CADPS: variants seen among roughly 807,000 people sequenced by gnomAD.
The protein encoded by CADPS is calcium dependent secretion activator.
CADPS carries 57 observed loss-of-function variants against 167.3 expected under a neutral mutation model. That is an observed-to-expected ratio of 0.34 (90% CI 0.28 to 0.42). The LOEUF (loss-of-function observed/expected upper bound fraction) is 0.42. Among genes scored for constraint, CADPS ranks in the 20% least tolerant of loss-of-function variants. The pLI is 1.00. For missense variants in CADPS, 1,414 were observed against 1,738.1 expected (o/e 0.81, Z 3.32); for synonymous variants, 676 against 635.3 (o/e 1.06, Z -0.96).
chr3:62,565,639 T>C (rs1207542679), intron 9 of CADPS, among the ~76,000 whole-genome samples: 2 of 152,312 alleles, frequency 1.3e-5, no homozygotes, highest in African/African-American at 4.8e-5. Context: ...ACAGGAATGC[T>C]TGAATCTCTG....
chr3:62,664,054 C>T (rs370693094), intron 3 of CADPS, among the ~76,000 whole-genome samples: 1 of 152,082 alleles, frequency 6.6e-6, no homozygotes, highest in East Asian at 1.9e-4. Context: ...CTTGCCCAGG[C>T]CGGAGTGCAG....
At chr3:62,759,487 TA>T (rs1283509537) in intron 2 of CADPS, among the ~76,000 whole-genome samples, 2 of 152,088 alleles carry the variant, frequency 1.3e-5, no homozygotes, top group Non-Finnish European at 2.9e-5. Context: ...GATTGGAGGA[TA>T]GGAACATGGC....
chr3:62,596,895 A>G (rs1488446051), intron 6 of CADPS, among the ~76,000 whole-genome samples: 1 of 152,194 alleles, frequency 6.6e-6, no homozygotes, highest in Non-Finnish European at 1.5e-5. Flanking sequence ...GATCTTGCCT[A>G]TTTTATTCCA....
chr3:62,827,378 C>A (rs1158700108), intron 1 of CADPS, among the ~76,000 whole-genome samples: 1 of 152,164 alleles, frequency 6.6e-6, no homozygotes, highest in Non-Finnish European at 1.5e-5. Context: ...ATTGAGAACA[C>A]TCACTATGCC....
intron 12 of CADPS, among the ~76,000 whole-genome samples, chr3:62,535,723 C>A (rs1177473915): frequency 1.3e-5 from 2 of 151,656 alleles, no homozygotes; most frequent in African/African-American, 4.8e-5. Flanking sequence ...TTTTTTTAGG[C>A]GTTTGAATTT....
At chr3:62,658,840 G>C (rs968208850) in intron 4 of CADPS, among the ~76,000 whole-genome samples, 8 of 152,170 alleles carry the variant, frequency 5.3e-5, no homozygotes, top group Admixed American at 5.2e-4. Context: ...AGTTGGGCCA[G>C]TGAGAGTTCT....
chr3:62,416,691 C>T (rs1277067068), intron 28 of CADPS, among the ~76,000 whole-genome samples: 3 of 152,042 alleles, frequency 2.0e-5, no homozygotes, highest in Non-Finnish European at 2.9e-5. Flanking sequence ...GTTATGTTTC[C>T]CACTCAGGTC....
In CADPS at chr3:62,601,963, T is replaced by C. The variant is rs1050129077; in HGVS notation, c.1326-9215A>G. Reference sequence around the variant, plus strand: ...TTGGGGAGCATCTGCTTGATCACAGTCGCATCTCTGTTTACTATTTAAAGC... The same window carrying C: ...TTGGGGAGCATCTGCTTGATCACAGCCGCATCTCTGTTTACTATTTAAAGC... On this transcript the variant is annotated intron_variant, in intron 6 of 29. Coordinates refer to ENST00000383710, the MANE Select transcript of CADPS (RefSeq NM_003716.4). The surrounding 1 kb of genome is among the most constrained non-coding windows in gnomAD (Gnocchi z 4.3). Among the ~76,000 whole-genome samples, 6 of 152,258 alleles carry C rather than the reference T, an allele frequency of 3.9e-5. No homozygotes were observed. Among genetic ancestry groups the C allele is most frequent in the Admixed American group, 1.3e-4 (2 of 15,294 alleles).
chr3:62,614,674 A>G (rs2061990303), intron 6 of CADPS, among the ~76,000 whole-genome samples: 1 of 151,476 alleles, frequency 6.6e-6, no homozygotes, highest in South Asian at 2.1e-4. Flanking sequence ...CTGTGTAGAT[A>G]TGTGCATGAT....
intron 9 of CADPS, among the ~76,000 whole-genome samples, chr3:62,559,205 G>A (rs2078716265): frequency 6.6e-6 from 1 of 152,084 alleles, no homozygotes; most frequent in East Asian, 1.9e-4. Context: ...TTTACCTACT[G>A]GATTATAAAT....
intron 4 of CADPS, among the ~76,000 whole-genome samples, chr3:62,655,718 G>A (rs1322533645): frequency 1.3e-5 from 2 of 152,102 alleles, no homozygotes; most frequent in Admixed American, 6.5e-5. Flanking sequence ...AAGTTGGTGG[G>A]TGATCAGAAG....
chr3:62,516,727 C>G, intron 14 of CADPS, 84 bp from the exon 15 acceptor site: 1 of 933,078 alleles, frequency 1.1e-6, no homozygotes, highest in Non-Finnish European at 1.7e-6. Context: ...TATAGCAACT[C>G]TCTCTGAGGA....
chr3:62,828,534 A>G (rs1338393212), intron 1 of CADPS, among the ~76,000 whole-genome samples: 1 of 152,218 alleles, frequency 6.6e-6, no homozygotes, highest in Non-Finnish European at 1.5e-5. Context: ...CAAAGGGCAA[A>G]CAAACACAGA....
chr3:62,850,204 T>C (rs2078276961), intron 1 of CADPS, among the ~76,000 whole-genome samples: 1 of 137,436 alleles, frequency 7.3e-6, no homozygotes, highest in Admixed American at 7.4e-5. Flanking sequence ...ATCAATTTTG[T>C]TGATCCTTTC....
chr3:62,499,585 C>A (rs780779790), intron 17 of CADPS: 3 of 180,926 alleles, frequency 1.7e-5, no homozygotes, highest in Non-Finnish European at 2.4e-5. Flanking sequence ...CATAAATGTA[C>A]TATACCACTC....
intron 1 of CADPS, among the ~76,000 whole-genome samples, chr3:62,830,084 T>TA (rs1169326326): frequency 6.6e-6 from 1 of 152,284 alleles, no homozygotes; most frequent in East Asian, 1.9e-4. Flanking sequence ...ATCCTGTGCT[T>TA]AGCTCTATGA....
intron 11 of CADPS, among the ~76,000 whole-genome samples, chr3:62,541,455 T>A (rs1040219680): frequency 6.6e-6 from 1 of 152,164 alleles, no homozygotes; most frequent in Non-Finnish European, 1.5e-5. Context: ...CTGCTATTGG[T>A]ACTGACATTA....
chr3:62,823,226 G>A (rs1031436043), intron 1 of CADPS, among the ~76,000 whole-genome samples: 1 of 152,156 alleles, frequency 6.6e-6, no homozygotes, highest in Admixed American at 6.6e-5. Flanking sequence ...TACTTGTGCT[G>A]CTAAGATTAA....
At position 62,808,294 on chromosome 3, in the gene CADPS, G is replaced by A. The variant is rs190452474; in HGVS notation, c.442-42310C>T. The stretch of plus-strand genomic sequence containing the variant: ...TGAGAAAACTGAGGTACAAGATTTT[G>A]AGTCTGACTCTCCAGAAAAATGAGA... On this transcript the variant is annotated intron_variant, in intron 1 of 29. Transcript: ENST00000383710. Among the ~76,000 whole-genome samples, 444 of 152,194 alleles carry A rather than the reference G, an allele frequency of 2.9e-3. 3 individuals carry two copies. The highest frequency in any genetic ancestry group is 0.01 in the African/African-American group (429 of 41,548).
Sources: allele counts gnomAD v4.1 joint callset (sites outside exome capture counted in the v4.1 genomes callset), GRCh38; gene constraint gnomAD v4.1.1; non-coding constraint Gnocchi (gnomAD v3.1); transcripts MANE v1.5; gene names NCBI Gene and HGNC (gene_info 2026-07-23, HGNC 2026-07-21).